The following LGALS3BP variants were observed in gnomAD, a reference collection of about 807,000 sequenced individuals.
LGALS3BP encodes the protein galectin 3 binding protein, also known as galectin-3-binding protein.
In LGALS3BP, 25 loss-of-function variants were observed where a neutral mutation model predicts 22.9. The ratio of observed to expected loss-of-function variants is 1.09; its 90% confidence interval spans 0.80 to 1.53. The LOEUF (loss-of-function observed/expected upper bound fraction) is 1.53, where lower values mean the gene tolerates loss of function less well. Among genes scored for constraint, LGALS3BP ranks in the 40% most tolerant of loss-of-function variants. LGALS3BP has a pLI of 0.00. For synonymous variants in LGALS3BP, 335 were observed against 331.1 expected (o/e 1.01, Z -0.13); for missense variants, 718 against 752.0 (o/e 0.95, Z 0.53).
At chr17:78,975,463 C>A (rs2070711382) in intron 3 of LGALS3BP, among the ~76,000 whole-genome samples, 1 of 152,152 alleles carries the variant, frequency 6.6e-6, no homozygotes, top group South Asian at 2.1e-4. Context: ...GTGGGTGGAG[C>A]AGTCCCATCA....
At chr17:78,977,271 AG>A in intron 1 of LGALS3BP, 57 bp from the exon 2 acceptor site, 1 of 1,449,242 alleles carries the variant, frequency 6.9e-7, no homozygotes, top group Non-Finnish European at 9.5e-7. Flanking sequence ...CCGAGGCCCC[AG>A]GGACTGGCCT....
In LGALS3BP at chr17:78,976,508, G is replaced by A. The variant is rs191645412; in HGVS notation, c.53-352C>T. Among the ~76,000 whole-genome samples, 921 of 152,274 alleles carry A rather than the reference G, an allele frequency of 6.0e-3. 8 individuals carry two copies. Among genetic ancestry groups the A allele is most frequent in the Non-Finnish European group, 7.8e-3 (530 of 68,002 alleles). ...GGGAACGGAGGCCCCGTGCTGACCC[G>A]CCCTGCAGAGGGTGTCTGCAGTTTG... On this transcript the variant is annotated intron_variant, in intron 2 of 5. Coordinates refer to ENST00000262776, the MANE Select transcript of LGALS3BP (RefSeq NM_005567.4). This position sits in a 1 kb window ranked among gnomAD's most constrained non-coding sequence, Gnocchi z 4.6.
At position 78,976,002 on chromosome 17, in the gene LGALS3BP, G is replaced by A. The variant is rs770079138; in HGVS notation, c.207C>T (p.Asn69=). The A allele has an allele frequency of 3.8e-5, 61 of 1,612,078 alleles. No individual in the cohort carries two copies. In the East Asian group the frequency reaches 9.1e-4, roughly 24 times the overall value. The stretch of plus-strand genomic sequence containing the variant: ...CAGCTCTGCCCAGAGCCTGGGTGGC[G>A]TTCTCGAAGCCCAGGGCCCGGCAGA... The part of the protein sequence containing the change: ...SVVCRALGFE[N]ATQALGRAAF... The change falls in exon 3 of 6, where the codon AAC becomes AAT. Residue 69 remains asparagine, a synonymous_variant. Coordinates refer to ENST00000262776, the MANE Select transcript of LGALS3BP (RefSeq NM_005567.4). The surrounding 1 kb of genome is among the most constrained non-coding windows in gnomAD (Gnocchi z 4.6).
chr17:78,978,655 A>G (rs2070740113), intron 1 of LGALS3BP, among the ~76,000 whole-genome samples: 1 of 152,216 alleles, frequency 6.6e-6, no homozygotes, highest in Non-Finnish European at 1.5e-5. Context: ...GAAACCCCTC[A>G]GTCCCAGGCA....
chr17:78,975,059 T>A, intron 3 of LGALS3BP: 1 of 535,906 alleles, frequency 1.9e-6, no homozygotes, highest in Non-Finnish European at 3.3e-6. Context: ...ATCACATTCA[T>A]GTATAGTAAT....
rs527312341 is a variant in LGALS3BP at position 78,972,044 on chromosome 17, C to T, written c.1290G>A (p.Leu430=). ...AAGGCCCCCGTCTGGACTGATAGAC[C>T]AGTTGTGACTTCCGTGCACTCCAGG... is the stretch of plus-strand genomic sequence containing the variant. The part of the protein sequence containing the change: ...DSSWSARKSQ[L]VYQSRRGPLV... Residue 430 remains leucine (L), a synonymous_variant, in exon 6 of 6, where the codon CTG becomes CTA. Coordinates refer to ENST00000262776, the MANE Select transcript of LGALS3BP (RefSeq NM_005567.4). The surrounding 1 kb of genome is among the most constrained non-coding windows in gnomAD (Gnocchi z 5.1). 2.5e-6 allele frequency: 4 copies of T among 1,614,032 alleles called. No individual in the cohort carries two copies. Among genetic ancestry groups the T allele is most frequent in the South Asian group, 2.2e-5 (2 of 91,084 alleles).
chr17:78,972,740 C>T lies in LGALS3BP; in HGVS notation c.630-36G>A, dbSNP rs771342045. On this transcript the variant is annotated intron_variant, in intron 5 of 5. Transcript: ENST00000262776. This position sits in a 1 kb window ranked among gnomAD's most constrained non-coding sequence, Gnocchi z 5.1. ...AGAAGGAGAGCAGATGCCGGCCCCA[C>T]AGGACAGCAGGGGAGCCCTGGGCCC... The T allele has an allele frequency of 1.3e-5, 20 of 1,512,664 alleles. No individual in the cohort carries two copies. In the East Asian group the frequency reaches 2.5e-4, roughly 19 times the overall value. 93.7% of individuals were successfully genotyped at this position (1,512,664 alleles called of 1,614,324 possible).
chr17:78,977,395 G>C (rs1009217743), intron 1 of LGALS3BP, 181 bp from the exon 2 acceptor site: 6 of 587,952 alleles, frequency 1.0e-5, no homozygotes, highest in African/African-American at 3.8e-5. Flanking sequence ...CCCCGCGGGG[G>C]CCCCTCACCT....
Position 78,971,864 on chromosome 17 carries a change from C to T in LGALS3BP, c.1470G>A (p.Trp490Ter), listed in dbSNP as rs1230962337. Residue 490 changes from tryptophan to a stop codon, truncating the protein, a stop_gained, in exon 6 of 6, where the codon TGG (tryptophan) becomes TGA (stop). Transcript: ENST00000262776. LOFTEE classifies it low-confidence loss of function (END_TRUNC). This position sits in a 1 kb window ranked among gnomAD's most constrained non-coding sequence, Gnocchi z 5.6. ...LVYLPTIQSC[W>*]NYGFSCSSDE... ...CCGAGGAGCAGGAGAAGCCGTAGTT[C>T]CAGCAGCTCTGGATGGTGGGGAGGT... The T allele has an allele frequency of 1.9e-6, 3 of 1,614,146 alleles. No homozygotes were observed. The highest frequency in any genetic ancestry group is 4.5e-5 in the East Asian group (2 of 44,874).
In LGALS3BP at chr17:78,972,133, C is replaced by T. The variant is rs773739978; in HGVS notation, c.1201G>A (p.Glu401Lys). The change falls in exon 6 of 6, where the codon GAG becomes AAG. Residue 401 changes from glutamate (E) to lysine (K), a missense_variant. By Grantham distance (56) the Glu-to-Lys change is moderately conservative. Transcript: ENST00000262776. The surrounding 1 kb of genome is among the most constrained non-coding windows in gnomAD (Gnocchi z 5.1). ...TAAATCCGGGGCTTGTAGGTATCCT[C>T]GGTGAGGTTCAGGCCTTTGTACCGG... ...LARYKGLNLT[E>K]DTYKPRIYTS... 6.2e-6 allele frequency: 10 copies of T among 1,613,322 alleles called. No individual in the cohort carries two copies. Among genetic ancestry groups the T allele is most frequent in the African/African-American group, 1.3e-5 (1 of 74,876 alleles).
chr17:78,972,033 G>A lies in LGALS3BP; in HGVS notation c.1301C>T (p.Ser434Phe), dbSNP rs966054236. The A allele has an allele frequency of 2.5e-6, 4 of 1,614,086 alleles. No individual in the cohort carries two copies. Among genetic ancestry groups the A allele is most frequent in the Admixed American group, 3.3e-5 (2 of 60,014 alleles). The change falls in exon 6 of 6, where the codon TCC becomes TTC. Residue 434 changes from serine to phenylalanine, a missense_variant. Physicochemically the swap from Ser to Phe is radical, Grantham distance 155. Transcript: ENST00000262776. This position sits in a 1 kb window ranked among gnomAD's most constrained non-coding sequence, Gnocchi z 5.1. ...ATATTTGACCAAAGGCCCCCGTCTG[G>A]ACTGATAGACCAGTTGTGACTTCCG... is the stretch of plus-strand genomic sequence containing the variant. ...SARKSQLVYQ[S>F]RRGPLVKYSS...
At position 78,976,763 on chromosome 17, in the gene LGALS3BP, A is replaced by G; in HGVS notation, c.52+377T>C. The G allele has an allele frequency of 4.3e-6, 1 of 230,796 alleles. No individual in the cohort carries two copies. Among genetic ancestry groups the G allele is most frequent in the Non-Finnish European group, 8.7e-6 (1 of 115,040 alleles). The allele number at this position is 230,796 out of a possible 1,614,324, so 14.3% of individuals were successfully genotyped here. Reference sequence around the variant, plus strand: ...GCCCCCAGGATGAGCATGAGCTTCCAGGGGCTCACAGTGTAAAGAATGTGA... The same window carrying G: ...GCCCCCAGGATGAGCATGAGCTTCCGGGGGCTCACAGTGTAAAGAATGTGA... On this transcript the variant is annotated intron_variant, in intron 2 of 5. Coordinates refer to ENST00000262776, the MANE Select transcript of LGALS3BP (RefSeq NM_005567.4). The surrounding 1 kb of genome is among the most constrained non-coding windows in gnomAD (Gnocchi z 4.6).
intron 1 of LGALS3BP, among the ~76,000 whole-genome samples, chr17:78,978,871 C>T (rs568253340): frequency 1.3e-5 from 2 of 152,252 alleles, no homozygotes; most frequent in Admixed American, 1.3e-4. Context: ...CAAGACCAGC[C>T]TGGCCAACAT....
At chr17:78,974,636 C>G (rs369958901) in intron 4 of LGALS3BP, 52 bp downstream of exon 4, 6 of 1,581,656 alleles carry the variant, frequency 3.8e-6, no homozygotes, top group South Asian at 3.4e-5. Flanking sequence ...GCAGGGGCCA[C>G]GGGACCCCAG....
chr17:78,974,946 C>G lies in LGALS3BP; in HGVS notation c.245-127G>C, dbSNP rs941129301. The G allele has an allele frequency of 1.8e-4, 217 of 1,207,080 alleles. 1 individual carries two copies. Among genetic ancestry groups the G allele is most frequent in the Middle Eastern group, 2.2e-4 (1 of 4,478 alleles). 74.8% of individuals were successfully genotyped at this position (1,207,080 alleles called of 1,614,324 possible). A position where few individuals can be genotyped will look rare whatever the true frequency, so the allele number is the denominator to read the frequency against. On this transcript the variant is annotated intron_variant, in intron 3 of 5. Coordinates refer to ENST00000262776, the MANE Select transcript of LGALS3BP (RefSeq NM_005567.4). Reference sequence around the variant, plus strand: ...CATCTGCTTACAGGTCCTTCACCAGCGAACCACGGAGGATATTCCAGCATG... The same window carrying G: ...CATCTGCTTACAGGTCCTTCACCAGGGAACCACGGAGGATATTCCAGCATG...
rs747154848 is a variant in LGALS3BP at position 78,975,986 on chromosome 17, C to A, written c.223G>T (p.Gly75Cys). Residue 75 changes from glycine (G) to cysteine (C), a missense_variant, in exon 3 of 6, where the codon GGC (glycine) becomes TGC (cysteine). Transcript: ENST00000262776. The stretch of plus-strand genomic sequence containing the variant: ...CTACCTTGCCCGAAGGCAGCTCTGC[C>A]CAGAGCCTGGGTGGCGTTCTCGAAG... ...LGFENATQAL[G>C]RAAFGQGSGP... The A allele has an allele frequency of 1.3e-5, 21 of 1,610,720 alleles. No homozygotes were observed. The highest frequency in any genetic ancestry group is 1.8e-5 in the Non-Finnish European group (21 of 1,178,854).
intron 1 of LGALS3BP, among the ~76,000 whole-genome samples, chr17:78,978,429 C>T (rs927752278): frequency 6.6e-6 from 1 of 152,228 alleles, no homozygotes. Flanking sequence ...ACCTTAGTTA[C>T]ACCTCACCTT....
At position 78,972,786 on chromosome 17, in the gene LGALS3BP, T is replaced by C. The variant is rs2070685717; in HGVS notation, c.630-82A>G. ...GGCCCAACTGTCCAACACAGCCACCTGAGTGCACACAGTGTGGGAGTGAGC... is the reference window on the plus strand; with the variant it reads ...GGCCCAACTGTCCAACACAGCCACCCGAGTGCACACAGTGTGGGAGTGAGC... On this transcript the variant is annotated intron_variant, in intron 5 of 5. Coordinates refer to ENST00000262776, the MANE Select transcript of LGALS3BP (RefSeq NM_005567.4). This position sits in a 1 kb window ranked among gnomAD's most constrained non-coding sequence, Gnocchi z 5.1. 12 of 1,479,752 alleles carry C rather than the reference T, an allele frequency of 8.1e-6. No homozygotes were observed. In the South Asian group the frequency reaches 1.5e-4, roughly 18 times the overall value. 91.7% of individuals were successfully genotyped at this position (1,479,752 alleles called of 1,614,324 possible). A position where few individuals can be genotyped will look rare whatever the true frequency, so the allele number is the denominator to read the frequency against.
In LGALS3BP at chr17:78,973,954, G is replaced by A. The variant is rs1048230666; in HGVS notation, c.377-732C>T. 3.3e-5 allele frequency among the ~76,000 whole-genome samples: 5 copies of A among 152,198 alleles called. No homozygotes were observed. Among genetic ancestry groups the A allele is most frequent in the Admixed American group, 6.5e-5 (1 of 15,280 alleles). On this transcript the variant is annotated intron_variant, in intron 4 of 5. Coordinates refer to ENST00000262776, the MANE Select transcript of LGALS3BP (RefSeq NM_005567.4). The surrounding 1 kb of genome is among the most constrained non-coding windows in gnomAD (Gnocchi z 5.8). ...CCTGCCCCAGGAGCTTTGGCCGTGC[G>A]CCCATGGCCCCGTGTGCTCCCCGCC...
Sources: allele counts gnomAD v4.1 joint callset (sites outside exome capture counted in the v4.1 genomes callset), GRCh38; gene constraint gnomAD v4.1.1; non-coding constraint Gnocchi (gnomAD v3.1); transcripts MANE v1.5; gene names NCBI Gene and HGNC (gene_info 2026-07-23, HGNC 2026-07-21).